NELL1: variants seen among roughly 807,000 people sequenced by gnomAD.
NELL1 encodes the protein neural EGFL like 1.
A neutral mutation model predicts 107.4 loss-of-function variants in NELL1; 76 were observed. That is an observed-to-expected ratio of 0.71 (90% confidence interval 0.59 to 0.86). The LOEUF (loss-of-function observed/expected upper bound fraction) is 0.86. NELL1 is among the 40% of genes least tolerant of loss of function. The probability of loss-of-function intolerance (pLI) is 0.00; values close to 1 mark genes in which losing one functional copy is unlikely to be tolerated. For missense variants in NELL1, 1,024 were observed against 1,005.5 expected, an observed-to-expected ratio of 1.02 and a Z score of -0.25; for synonymous variants, 353 against 341.2, an observed-to-expected ratio of 1.03 and a Z score of -0.38.
intron 14 of NELL1, among the ~76,000 whole-genome samples, chr11:21,349,739 G>A (rs1320041561): frequency 6.6e-6 from 1 of 152,006 alleles, no homozygotes; most frequent in Non-Finnish European, 1.5e-5. Context: ...CTACAGTGTA[G>A]GTTGCAGTAC....
chr11:21,517,945 G>A (rs1055344880), intron 15 of NELL1, among the ~76,000 whole-genome samples: 3 of 151,908 alleles, frequency 2.0e-5, no homozygotes, highest in Admixed American at 6.6e-5. Context: ...CATGAGACCA[G>A]CTCTGACTCT....
rs75158984 is a variant in NELL1, at chr11:21,287,132, T to C, written c.1549+57678T>C. On this transcript the variant is annotated intron_variant, in intron 14 of 19. Coordinates refer to ENST00000357134, the MANE Select transcript of NELL1 (RefSeq NM_006157.5). ...TATTAATTCATTATAGATTTTTGGT[T>C]TGCGGCCAACTTTTAAATAGAAAAG... Among the ~76,000 whole-genome samples the C allele has an allele frequency of 4.1e-3, 624 of 152,332 alleles. 7 individuals are homozygous for C. Among genetic ancestry groups the C allele is most frequent in the African/African-American group, 0.014 (594 of 41,564 alleles).
intron 14 of NELL1, among the ~76,000 whole-genome samples, chr11:21,245,068 T>A (rs774297296): frequency 1.6e-4 from 25 of 152,164 alleles, no homozygotes; most frequent in Admixed American, 2.6e-4. Context: ...CCTTCTTACA[T>A]GTTACATTGA....
chr11:21,271,783 G>A (rs151237899), intron 14 of NELL1, among the ~76,000 whole-genome samples: 58 of 152,212 alleles, frequency 3.8e-4, no homozygotes, highest in Non-Finnish European at 6.5e-4. Flanking sequence ...ATAACCAGGC[G>A]GTGTATATTA....
intron 9 of NELL1, among the ~76,000 whole-genome samples, chr11:20,936,466 A>G (rs148961485): frequency 6.6e-6 from 1 of 152,254 alleles, no homozygotes; most frequent in East Asian, 1.9e-4. Flanking sequence ...GCTAAAATGG[A>G]CTAGATGACT....
chr11:20,783,049 C>T (rs1369013464), intron 2 of NELL1, among the ~76,000 whole-genome samples: 1 of 152,154 alleles, frequency 6.6e-6, no homozygotes, highest in Non-Finnish European at 1.5e-5. Flanking sequence ...AAATTCCAGG[C>T]ACGGGTGTGG....
chr11:21,126,921 A>G (rs1855499790), intron 13 of NELL1, among the ~76,000 whole-genome samples: 1 of 152,220 alleles, frequency 6.6e-6, no homozygotes. Flanking sequence ...TCACCTTCCT[A>G]GAGTCATTAG....
In NELL1 at chr11:21,456,573, T is replaced by C. The variant is rs114250399; in HGVS notation, c.1646-77801T>C. Among the ~76,000 whole-genome samples, 457 of 152,252 alleles carry C rather than the reference T, an allele frequency of 3.0e-3. 3 individuals carry two copies. Among genetic ancestry groups the C allele is most frequent in the African/African-American group, 0.01 (425 of 41,538 alleles). On this transcript the variant is annotated intron_variant, in intron 15 of 19. Coordinates refer to ENST00000357134, the MANE Select transcript of NELL1 (RefSeq NM_006157.5). ...GGATGGAATGGAAATATTTCCTCAG[T>C]AGATTTTGATAATAGTTTCATTATA... is the stretch of plus-strand genomic sequence containing the variant.
At chr11:20,774,702 T>G (rs1453238571) in intron 2 of NELL1, among the ~76,000 whole-genome samples, 1 of 152,158 alleles carries the variant, frequency 6.6e-6, no homozygotes, top group Non-Finnish European at 1.5e-5. Context: ...TAAGAATGAA[T>G]GAACAAATGA....
At chr11:21,286,978 G>A (rs758960860) in intron 14 of NELL1, among the ~76,000 whole-genome samples, 8 of 152,216 alleles carry the variant, frequency 5.3e-5, no homozygotes, top group African/African-American at 9.7e-5. Context: ...TGGAAAGACG[G>A]AGAAAATTCA....
chr11:20,778,024 T>A (rs1936259397), intron 2 of NELL1, among the ~76,000 whole-genome samples: 1 of 152,208 alleles, frequency 6.6e-6, no homozygotes, highest in African/African-American at 2.4e-5. Flanking sequence ...GAGATACACT[T>A]GCAGAAAAAG....
intron 16 of NELL1, among the ~76,000 whole-genome samples, chr11:21,541,449 G>GGA (rs1856290600): frequency 6.6e-6 from 1 of 152,128 alleles, no homozygotes; most frequent in Non-Finnish European, 1.5e-5. Context: ...TCTGGTGGAT[G>GGA]TGTCAGGAAT....
At chr11:20,928,633 T>A (rs191504830) in intron 9 of NELL1, among the ~76,000 whole-genome samples, 154 bp downstream of exon 9, 105 of 152,350 alleles carry the variant, frequency 6.9e-4, no homozygotes, top group South Asian at 3.7e-3. Context: ...AGCCACAATA[T>A]TTTAATCACT....
At chr11:20,834,953 G>A (rs577591819) in intron 3 of NELL1, among the ~76,000 whole-genome samples, 1 of 152,278 alleles carries the variant, frequency 6.6e-6, no homozygotes, top group Non-Finnish European at 1.5e-5. Flanking sequence ...TCAGTGGTTG[G>A]TTCTATGAAT....
chr11:20,676,739 A>G (rs1392873411), intron 1 of NELL1, among the ~76,000 whole-genome samples: 1 of 152,176 alleles, frequency 6.6e-6, no homozygotes, highest in Non-Finnish European at 1.5e-5. Flanking sequence ...AGGTGGTGAT[A>G]GCTTATGATG....
At chr11:21,225,565 A>G (rs1289017763) in intron 13 of NELL1, among the ~76,000 whole-genome samples, 1 of 152,098 alleles carries the variant, frequency 6.6e-6, no homozygotes, top group Non-Finnish European at 1.5e-5. Context: ...ATTCTTCCTT[A>G]AATACTCTGT....
At chr11:20,739,384 G>A (rs564433134) in intron 2 of NELL1, among the ~76,000 whole-genome samples, 28 of 140,562 alleles carry the variant, frequency 2.0e-4, no homozygotes, top group Non-Finnish European at 3.5e-4. Context: ...ACGTTGTCAG[G>A]TTGCATCTTG....
At chr11:21,278,379 G>A (rs1394454365) in intron 14 of NELL1, among the ~76,000 whole-genome samples, 2 of 152,036 alleles carry the variant, frequency 1.3e-5, no homozygotes, top group Admixed American at 1.3e-4. Context: ...GATTATCTAA[G>A]TAGAAATTTT....
intron 3 of NELL1, among the ~76,000 whole-genome samples, chr11:20,791,454 G>A (rs772379327): frequency 6.6e-6 from 1 of 152,132 alleles, no homozygotes; most frequent in Non-Finnish European, 1.5e-5. Context: ...TTATTGATTA[G>A]TTCTAATAGT....
Sources: gnomAD v4.1 joint callset for allele counts (sites outside exome capture counted in the v4.1 genomes callset) on GRCh38, gnomAD v4.1.1 for gene constraint, MANE v1.5 for transcripts, NCBI Gene and HGNC (gene_info 2026-07-23, HGNC 2026-07-21) for gene names.